Variants in AK7 observed in about 807,000 individuals in gnomAD.
AK7 encodes the protein ATP-AMP transphosphorylase 7.
Under a neutral mutation model 96.6 loss-of-function variants are expected in AK7, and 78 were observed. The observed-to-expected ratio is 0.81, with a 90% CI of 0.67 to 0.97. The LOEUF (loss-of-function observed/expected upper bound fraction) is 0.97. Among genes scored for constraint, AK7 ranks in the 50% least tolerant of loss-of-function variants. AK7 has a pLI of 0.00. For synonymous variants in AK7, 302 were observed against 317.2 expected (o/e 0.95, Z 0.51); for missense variants, 855 against 887.9 (o/e 0.96, Z 0.47).
At chr14:96,397,567 T>A (rs1890152442) in intron 1 of AK7, among the ~76,000 whole-genome samples, 1 of 152,078 alleles carries the variant, frequency 6.6e-6, no homozygotes, top group Admixed American at 6.6e-5. Flanking sequence ...TTTAAATTAA[T>A]TTTACCCTTT....
At chr14:96,487,164 C>A in intron 17 of AK7, 108 bp downstream of exon 17, 1 of 1,154,072 alleles carries the variant, frequency 8.7e-7, no homozygotes, top group Non-Finnish European at 1.2e-6. Flanking sequence ...CACTTGTGGT[C>A]AGGAGTTAGA....
At chr14:96,435,161 C>G (rs1010866245) in intron 5 of AK7, among the ~76,000 whole-genome samples, 2 of 152,094 alleles carry the variant, frequency 1.3e-5, no homozygotes, top group African/African-American at 4.8e-5. Context: ...CTGCTTTTCT[C>G]AAGCAGAAGG....
intron 5 of AK7, among the ~76,000 whole-genome samples, chr14:96,427,380 A>G (rs995878490): frequency 5.9e-5 from 9 of 152,212 alleles, no homozygotes; most frequent in Non-Finnish European, 1.3e-4. Context: ...CACATATTAC[A>G]TGGCCTGAGA....
Position 96,474,593 on chromosome 14 carries a change from C to T in AK7, c.1555+1838C>T, listed in dbSNP as rs186257635. On this transcript the variant is annotated intron_variant, in intron 14 of 17. Coordinates refer to ENST00000267584, the MANE Select transcript of AK7 (RefSeq NM_152327.5). ...GGTGCCCTGATTACACCACTGCACT[C>T]CAGCCTGGGCAACAGAGCAAGAACC... Among the ~76,000 whole-genome samples, 317 of 151,928 alleles carry T rather than the reference C, an allele frequency of 2.1e-3. 2 individuals carry two copies. Among genetic ancestry groups the T allele is most frequent in the African/African-American group, 7.3e-3 (304 of 41,422 alleles).
At chr14:96,406,595 G>C (rs1377434990) in intron 3 of AK7, among the ~76,000 whole-genome samples, 2 of 152,136 alleles carry the variant, frequency 1.3e-5, no homozygotes, top group Non-Finnish European at 2.9e-5. Context: ...GTATGGGGTT[G>C]GTAGGGCATG....
chr14:96,412,847 G>A (rs138539712), intron 4 of AK7, among the ~76,000 whole-genome samples: 153 of 152,254 alleles, frequency 1.0e-3, no homozygotes, highest in African/African-American at 3.3e-3. Flanking sequence ...GATTACAGGC[G>A]TGAGCCACTG....
intron 4 of AK7, among the ~76,000 whole-genome samples, chr14:96,409,972 C>A (rs958081206): frequency 6.6e-6 from 1 of 152,158 alleles, no homozygotes; most frequent in African/African-American, 2.4e-5. Context: ...ACATTGCCAG[C>A]GATTCCTGGC....
chr14:96,433,744 G>C (rs1304118360), intron 5 of AK7, among the ~76,000 whole-genome samples: 1 of 152,206 alleles, frequency 6.6e-6, no homozygotes, highest in African/African-American at 2.4e-5. Context: ...CTTTGGAGAA[G>C]AAGAGGTGCT....
chr14:96,432,676 G>A (rs1286761749), intron 5 of AK7, among the ~76,000 whole-genome samples: 1 of 152,012 alleles, frequency 6.6e-6, no homozygotes, highest in Non-Finnish European at 1.5e-5. Context: ...ATTCTGGGTT[G>A]AAAATTCTTT....
intron 5 of AK7, among the ~76,000 whole-genome samples, chr14:96,431,624 G>GT (rs1276166441): frequency 2.0e-5 from 3 of 152,214 alleles, no homozygotes; most frequent in Non-Finnish European, 4.4e-5. Flanking sequence ...CTGAGAGACA[G>GT]TTTTTTGTGA....
chr14:96,421,767 G>A (rs1487549543), intron 5 of AK7, among the ~76,000 whole-genome samples: 2 of 151,870 alleles, frequency 1.3e-5, no homozygotes, highest in Non-Finnish European at 2.9e-5. Flanking sequence ...CACCATGCTC[G>A]GCTAATTTTT....
chr14:96,470,792 C>A (rs1766192283), intron 12 of AK7, among the ~76,000 whole-genome samples: 1 of 152,170 alleles, frequency 6.6e-6, no homozygotes, highest in African/African-American at 2.4e-5. Flanking sequence ...ACAATTCTCA[C>A]AACAGAAGCA....
intron 17 of AK7, among the ~76,000 whole-genome samples, chr14:96,487,282 G>A (rs1238938990): frequency 6.8e-6 from 1 of 147,346 alleles, no homozygotes; most frequent in African/African-American, 2.5e-5. Flanking sequence ...TACTCAGGAA[G>A]CTGAGGCAGG....
chr14:96,420,761 C>A lies in AK7; in HGVS notation c.499-61C>A. ...GAGCTTAAAGGAACATATCTTTAGC[C>A]TTAGAAGTCACACATCTCTAATTCA... is the stretch of plus-strand genomic sequence containing the variant. On this transcript the variant is annotated intron_variant, in intron 4 of 17. Coordinates refer to ENST00000267584, the MANE Select transcript of AK7 (RefSeq NM_152327.5). 4 of 1,184,518 alleles carry A rather than the reference C, an allele frequency of 3.4e-6. No homozygotes were observed. In the Admixed American group the frequency reaches 8.0e-5, roughly 24 times the overall value. 73.4% of individuals were successfully genotyped at this position (1,184,518 alleles called of 1,614,324 possible).
intron 3 of AK7, among the ~76,000 whole-genome samples, chr14:96,406,546 T>C (rs1235275312): frequency 6.6e-6 from 1 of 152,184 alleles, no homozygotes; most frequent in African/African-American, 2.4e-5. Context: ...GAAAATATAG[T>C]CAGAGATCCT....
chr14:96,475,712 C>A (rs556973804), intron 14 of AK7, among the ~76,000 whole-genome samples: 2 of 152,274 alleles, frequency 1.3e-5, no homozygotes, highest in East Asian at 3.9e-4. Flanking sequence ...TGGCTCACGC[C>A]TGCAATTCCA....
At chr14:96,484,730 C>T (rs1487769274) in intron 16 of AK7, among the ~76,000 whole-genome samples, 3 of 152,210 alleles carry the variant, frequency 2.0e-5, no homozygotes, top group East Asian at 1.9e-4. Flanking sequence ...TAATTTTCCT[C>T]TTTGTACTTA....
At chr14:96,418,506 CTTTTTGTTTTTG>C (rs10702431) in intron 4 of AK7, among the ~76,000 whole-genome samples, 9 of 148,964 alleles carry the variant, frequency 6.0e-5, no homozygotes, top group South Asian at 2.2e-4. Context: ...CTCAGTAGGG[CTTTTTGTTTTTG>C]TTTTTGTTTT....
intron 12 of AK7, among the ~76,000 whole-genome samples, chr14:96,462,421 C>G (rs184406050): frequency 3.3e-5 from 5 of 152,316 alleles, no homozygotes; most frequent in East Asian, 1.9e-4. Flanking sequence ...GTTACCTCAC[C>G]TTTCCCTCAC....
Sources: allele counts gnomAD v4.1 joint callset (sites outside exome capture counted in the v4.1 genomes callset), GRCh38; gene constraint gnomAD v4.1.1; transcripts MANE v1.5; gene names NCBI Gene and HGNC (gene_info 2026-07-23, HGNC 2026-07-21).